Variants in RAB3C observed in about 807,000 individuals in gnomAD.
The protein encoded by RAB3C is RAB3C, member RAS oncogene family, also known as ras-related protein Rab-3C.
In RAB3C, 17 loss-of-function variants were observed where a neutral mutation model predicts 26.4. The observed-to-expected ratio is 0.64, with a 90% CI of 0.44 to 0.97. RAB3C has a LOEUF of 0.97. Among genes scored for constraint, RAB3C ranks in the 50% least tolerant of loss-of-function variants. The probability of loss-of-function intolerance (pLI) is 0.00; values close to 1 mark genes in which losing one functional copy is unlikely to be tolerated. For missense variants in RAB3C, 242 were observed against 281.9 expected (o/e 0.86, Z 1.01); for synonymous variants, 91 against 95.9 (o/e 0.95, Z 0.30).
chr5:58,716,652 GT>G (rs1397017857), intron 2 of RAB3C, among the ~76,000 whole-genome samples: 3 of 151,914 alleles, frequency 2.0e-5, no homozygotes, highest in Admixed American at 2.0e-4. Flanking sequence ...TTTATTGGTA[GT>G]TTGCTCGGTA....
chr5:58,628,842 G>A (rs967296834), intron 2 of RAB3C, among the ~76,000 whole-genome samples: 2 of 151,948 alleles, frequency 1.3e-5, no homozygotes, highest in African/African-American at 2.4e-5. Context: ...AACAACAGCC[G>A]ACCCACACTG....
rs762064857 is a variant in RAB3C at position 58,787,792 on chromosome 5, C to T, written c.372-37246C>T. Among the ~76,000 whole-genome samples, 7 of 152,226 alleles carry T rather than the reference C, an allele frequency of 4.6e-5. 1 individual carries two copies. Among genetic ancestry groups the T allele is most frequent in the African/African-American group, 1.7e-4 (7 of 41,536 alleles). On this transcript the variant is annotated intron_variant, in intron 3 of 4. Coordinates refer to ENST00000282878, the MANE Select transcript of RAB3C (RefSeq NM_138453.4). ...GTGGAGAGCTCTGTGCCTAGGTCGG[C>T]GGGAATGACACCCTCATTCTTCAGG... is the stretch of plus-strand genomic sequence containing the variant.
chr5:58,764,421 CTGTT>C (rs1187510670), intron 3 of RAB3C, among the ~76,000 whole-genome samples: 2 of 151,792 alleles, frequency 1.3e-5, no homozygotes, highest in Admixed American at 6.6e-5. Context: ...TCCCAGTCCT[CTGTT>C]TGGGAGGTAA....
chr5:58,737,004 C>T (rs1741151947), intron 3 of RAB3C, among the ~76,000 whole-genome samples: 1 of 152,110 alleles, frequency 6.6e-6, no homozygotes, highest in Non-Finnish European at 1.5e-5. Flanking sequence ...CACAGCATCC[C>T]ACATCTCCTG....
chr5:58,797,089 T>C lies in RAB3C; in HGVS notation c.372-27949T>C, dbSNP rs548272410. 2.2e-4 allele frequency among the ~76,000 whole-genome samples: 34 copies of C among 151,910 alleles called. No homozygotes were observed. In the East Asian group the frequency reaches 3.3e-3, roughly 15 times the overall value. On this transcript the variant is annotated intron_variant, in intron 3 of 4. Coordinates refer to ENST00000282878, the MANE Select transcript of RAB3C (RefSeq NM_138453.4). The stretch of plus-strand genomic sequence containing the variant: ...AAGCAGGTGGTATTTAACTAATAAT[T>C]CCACTAATGTTTATTTGCTAAGTCC...
chr5:58,807,333 C>T (rs972884387), intron 3 of RAB3C, among the ~76,000 whole-genome samples: 3 of 152,158 alleles, frequency 2.0e-5, no homozygotes, highest in Non-Finnish European at 2.9e-5. Context: ...CATAATGTAT[C>T]AACTTTAGAA....
intron 2 of RAB3C, among the ~76,000 whole-genome samples, chr5:58,662,724 T>G (rs1365780853): frequency 6.7e-6 from 1 of 150,086 alleles, no homozygotes; most frequent in East Asian, 1.9e-4. Flanking sequence ...TACATGAAAT[T>G]CAAGGACAGA....
chr5:58,597,093 A>AAT (rs1364754166), intron 1 of RAB3C, among the ~76,000 whole-genome samples: 1 of 18,406 alleles, frequency 5.4e-5, no homozygotes, highest in Non-Finnish European at 7.8e-5. Flanking sequence ...TATAATACAT[A>AAT]ATATATATTA....
chr5:58,733,106 C>T (rs377182229), intron 3 of RAB3C, among the ~76,000 whole-genome samples: 1 of 152,072 alleles, frequency 6.6e-6, no homozygotes, highest in Admixed American at 6.6e-5. Context: ...ATTTGGTTAT[C>T]TTTTTTCCTG....
intron 1 of RAB3C, among the ~76,000 whole-genome samples, chr5:58,598,641 T>G (rs773126621): frequency 1.2e-4 from 18 of 152,122 alleles, no homozygotes; most frequent in Non-Finnish European, 2.4e-4. Context: ...CTCCTCCTTG[T>G]AGTGTGTCTG....
chr5:58,849,379 A>G (rs1744067533), intron 4 of RAB3C, among the ~76,000 whole-genome samples: 2 of 152,182 alleles, frequency 1.3e-5, no homozygotes, highest in Non-Finnish European at 2.9e-5. Context: ...AAGCATGCCA[A>G]TAGTTCTGAT....
At chr5:58,634,295 A>G (rs1747244829) in intron 2 of RAB3C, among the ~76,000 whole-genome samples, 1 of 152,216 alleles carries the variant, frequency 6.6e-6, no homozygotes, top group Non-Finnish European at 1.5e-5. Flanking sequence ...AATATTATAC[A>G]GGGAAATAAG....
rs1160974106 is a variant in RAB3C, at chr5:58,583,106, C to T, written c.-103C>T. Reference sequence around the variant, plus strand: ...GATGTTGGAGCCGGTTAGCGAACCCCAAGAGTGCAGAGTGTGGAGCGTGGA... The same window carrying T: ...GATGTTGGAGCCGGTTAGCGAACCCTAAGAGTGCAGAGTGTGGAGCGTGGA... On this transcript the variant is annotated 5_prime_UTR_variant, in exon 1 of 5. It introduces an in-frame stop codon into an upstream open reading frame of the 5' UTR. Transcript: ENST00000282878. 4 of 1,590,398 alleles carry T rather than the reference C, an allele frequency of 2.5e-6. No individual in the cohort carries two copies. Among genetic ancestry groups the T allele is most frequent in the South Asian group, 2.3e-5 (2 of 88,542 alleles).
intron 2 of RAB3C, among the ~76,000 whole-genome samples, chr5:58,680,995 C>A (rs1422729224): frequency 1.3e-5 from 2 of 152,072 alleles, no homozygotes; most frequent in South Asian, 2.1e-4. Context: ...GGAATAAGGG[C>A]TAATTTTTAA....
intron 2 of RAB3C, among the ~76,000 whole-genome samples, chr5:58,706,561 T>C (rs1165199212): frequency 1.3e-5 from 2 of 152,198 alleles, no homozygotes; most frequent in Non-Finnish European, 2.9e-5. Context: ...GAGCTTCTTA[T>C]CTTTCCACAG....
intron 2 of RAB3C, among the ~76,000 whole-genome samples, chr5:58,657,999 T>C (rs1325550896): frequency 6.6e-6 from 1 of 152,170 alleles, no homozygotes; most frequent in African/African-American, 2.4e-5. Context: ...CTCAGAGTGA[T>C]GATAGCTCCA....
chr5:58,819,221 TAGCCTCA>T (rs1206947445), intron 3 of RAB3C, among the ~76,000 whole-genome samples: 1 of 152,148 alleles, frequency 6.6e-6, no homozygotes, highest in Non-Finnish European at 1.5e-5. Flanking sequence ...TGTAAAATAA[TAGCCTCA>T]TTTTACAGAT....
intron 2 of RAB3C, among the ~76,000 whole-genome samples, chr5:58,626,192 G>C (rs1004994626): frequency 2.6e-5 from 4 of 151,986 alleles, no homozygotes; most frequent in African/African-American, 9.7e-5. Flanking sequence ...CTAATTTTTA[G>C]CTTTCATTAA....
chr5:58,821,257 A>G (rs1447876904), intron 3 of RAB3C, among the ~76,000 whole-genome samples: 1 of 152,202 alleles, frequency 6.6e-6, no homozygotes, highest in Non-Finnish European at 1.5e-5. Flanking sequence ...CTTTACTACC[A>G]GGATGAGAAC....
Sources: allele counts gnomAD v4.1 joint callset (sites outside exome capture counted in the v4.1 genomes callset), GRCh38; gene constraint gnomAD v4.1.1; transcripts MANE v1.5; gene names NCBI Gene and HGNC (gene_info 2026-07-23, HGNC 2026-07-21).